The following ADD3 variants were observed in gnomAD, a reference collection of about 807,000 sequenced individuals.
ADD3 encodes gamma-adducin.
Under a neutral mutation model 80.2 loss-of-function variants are expected in ADD3, and 25 were observed. That is an observed-to-expected ratio of 0.31 (90% CI 0.23 to 0.44). ADD3 has a LOEUF of 0.44. Ranked by LOEUF, ADD3 falls within the 20% of genes least tolerant of loss-of-function variation. ADD3 has a pLI of 1.00. For missense variants in ADD3, 829 were observed against 847.5 expected (o/e 0.98, Z 0.27); for synonymous variants, 284 against 289.6 (o/e 0.98, Z 0.20).
At position 110,125,850 on chromosome 10, in the gene ADD3, A is replaced by C. The variant is rs762751099; in HGVS notation, c.1426A>C (p.Lys476Gln). 5.6e-6 allele frequency: 9 copies of C among 1,606,174 alleles called. No homozygotes were observed. Among genetic ancestry groups the C allele is most frequent in the Non-Finnish European group, 7.7e-6 (9 of 1,174,838 alleles). Residue 476 changes from lysine to glutamine, a missense_variant, in exon 11 of 15, where the codon AAA becomes CAA. Physicochemically the swap from Lys to Gln is moderately conservative, Grantham distance 53. Coordinates refer to ENST00000356080, the MANE Select transcript of ADD3 (RefSeq NM_016824.5). ...GTGGATGAAAGCAGAAGACTCATCT[A>C]AAGTTAGTGGTGGAACACCTATCAA... ...ITWMKAEDSSKVSGGTPIKIE... is the reference protein window; with the variant it reads ...ITWMKAEDSSQVSGGTPIKIE...
chr10:110,090,816 C>CTATTT (rs1362784481), intron 1 of ADD3, among the ~76,000 whole-genome samples: 2 of 152,034 alleles, frequency 1.3e-5, no homozygotes, highest in Admixed American at 1.3e-4. Context: ...GTTGCTGTTA[C>CTATTT]TATTTTATTT....
chr10:110,088,889 A>G (rs555099149), intron 1 of ADD3, among the ~76,000 whole-genome samples: 3 of 152,316 alleles, frequency 2.0e-5, no homozygotes, highest in Admixed American at 6.5e-5. Flanking sequence ...AACATAGTCC[A>G]TGGTAACAAA....
chr10:110,126,320 G>A (rs1315983546), intron 11 of ADD3, 97 bp from the exon 12 acceptor site: 1 of 902,946 alleles, frequency 1.1e-6, no homozygotes, highest in Non-Finnish European at 1.8e-6. Context: ...CTCTCACTCT[G>A]GAAATGTCAA....
intron 4 of ADD3, 140 bp from the exon 5 acceptor site, chr10:110,117,202 T>G: frequency 1.8e-6 from 1 of 546,390 alleles, no homozygotes; most frequent in Non-Finnish European, 3.2e-6. Flanking sequence ...AGTTTCATGT[T>G]GTAGACCTTT....
intron 1 of ADD3, among the ~76,000 whole-genome samples, chr10:110,012,243 A>C (rs1852422581): frequency 6.6e-6 from 1 of 152,210 alleles, no homozygotes; most frequent in Non-Finnish European, 1.5e-5. Context: ...TGTTGGAGAA[A>C]AAAGGTTTGT....
intron 1 of ADD3, among the ~76,000 whole-genome samples, chr10:110,073,342 C>G (rs2133675497): frequency 1.3e-5 from 2 of 152,026 alleles, no homozygotes; most frequent in Admixed American, 1.3e-4. Flanking sequence ...CGGGATTTCA[C>G]CGTGTTAGCC....
intron 1 of ADD3, among the ~76,000 whole-genome samples, chr10:110,034,643 AAAGAT>A (rs564511538): frequency 1.4e-3 from 217 of 152,278 alleles, no homozygotes; most frequent in Non-Finnish European, 2.6e-3. Flanking sequence ...ATCATACTCT[AAAGAT>A]AAGCAAATTA....
intron 1 of ADD3, among the ~76,000 whole-genome samples, chr10:110,029,068 AG>A (rs1854668643): frequency 6.6e-6 from 1 of 152,094 alleles, no homozygotes. Flanking sequence ...TAGTAGAGAC[AG>A]GGTTTCTCCA....
At chr10:110,039,563 C>A (rs1564877413) in intron 1 of ADD3, among the ~76,000 whole-genome samples, 1 of 152,100 alleles carries the variant, frequency 6.6e-6, no homozygotes, top group Non-Finnish European at 1.5e-5. Context: ...CAGTGAGCAC[C>A]CTGTTTAAAG....
At chr10:110,043,282 C>G (rs1856571919) in intron 1 of ADD3, among the ~76,000 whole-genome samples, 1 of 152,128 alleles carries the variant, frequency 6.6e-6, no homozygotes, top group Non-Finnish European at 1.5e-5. Context: ...AAATCTATAA[C>G]TTAAATAAAG....
At chr10:110,050,005 CCTGGACCCCA>C (rs1407947659) in intron 1 of ADD3, among the ~76,000 whole-genome samples, 1 of 152,044 alleles carries the variant, frequency 6.6e-6, no homozygotes, top group Non-Finnish European at 1.5e-5. Flanking sequence ...TTACCCAATG[CCTGGACCCCA>C]CTGTATCCAG....
At chr10:110,083,314 T>C (rs1263139354) in intron 1 of ADD3, among the ~76,000 whole-genome samples, 1 of 151,916 alleles carries the variant, frequency 6.6e-6, no homozygotes, top group African/African-American at 2.4e-5. Context: ...TGAGATATGG[T>C]GAGCATCCTG....
intron 2 of ADD3, 52 bp from the exon 3 acceptor site, chr10:110,112,725 C>A: frequency 6.4e-7 from 1 of 1,572,724 alleles, no homozygotes; most frequent in South Asian, 1.2e-5. Flanking sequence ...GAACAAGTTA[C>A]TTTTGGGCCA....
intron 1 of ADD3, among the ~76,000 whole-genome samples, chr10:109,999,105 G>C (rs1211164185): frequency 6.6e-6 from 1 of 152,164 alleles, no homozygotes; most frequent in Non-Finnish European, 1.5e-5. Context: ...AATGGACAGT[G>C]ACTGGAAGTG....
rs551527745 is a variant in ADD3, at chr10:110,113,337, G to A, written c.334+422G>A. ...GGCTGGAGTACAGTGGCCCGATCTC[G>A]GCTCACTGCAACCTCCACCTCGCAG... is the stretch of plus-strand genomic sequence containing the variant. On this transcript the variant is annotated intron_variant, in intron 3 of 14. Coordinates refer to ENST00000356080, the MANE Select transcript of ADD3 (RefSeq NM_016824.5). Among the ~76,000 whole-genome samples the A allele has an allele frequency of 1.7e-3, 254 of 152,106 alleles. 1 individual carries two copies. Among genetic ancestry groups the A allele is most frequent in the Non-Finnish European group, 3.0e-3 (207 of 67,998 alleles).
intron 12 of ADD3, 111 bp from the exon 13 acceptor site, chr10:110,130,252 T>C: frequency 9.1e-7 from 1 of 1,097,516 alleles, no homozygotes. Context: ...TGTTGTGAAA[T>C]AAGGCTTCAC....
chr10:110,120,611 A>G (rs1453697841), intron 8 of ADD3, among the ~76,000 whole-genome samples: 1 of 152,128 alleles, frequency 6.6e-6, no homozygotes, highest in Non-Finnish European at 1.5e-5. Context: ...GCTGGGTCAA[A>G]TGGTATTTCT....
chr10:110,044,276 A>G lies in ADD3; in HGVS notation c.-30+35977A>G, dbSNP rs75113144. ...TGATTCTATAAATGAAACTTTATAG[A>G]TTGATTATATTAGGACAGCTTATGT... is the stretch of plus-strand genomic sequence containing the variant. On this transcript the variant is annotated intron_variant, in intron 1 of 14. Coordinates refer to ENST00000356080, the MANE Select transcript of ADD3 (RefSeq NM_016824.5). Among the ~76,000 whole-genome samples the G allele has an allele frequency of 2.6e-5, 4 of 152,344 alleles. No individual in the cohort carries two copies. In the East Asian group the frequency reaches 7.7e-4, roughly 29 times the overall value.
At chr10:110,106,798 G>A (rs1321656817) in intron 2 of ADD3, among the ~76,000 whole-genome samples, 1 of 152,064 alleles carries the variant, frequency 6.6e-6, no homozygotes, top group Non-Finnish European at 1.5e-5. Context: ...AAGTTTTCAA[G>A]TAGGATTTTG....
Sources: allele counts gnomAD v4.1 joint callset (sites outside exome capture counted in the v4.1 genomes callset), GRCh38; gene constraint gnomAD v4.1.1; transcripts MANE v1.5; gene names NCBI Gene and HGNC (gene_info 2026-07-23, HGNC 2026-07-21).